The following UNC5D variants were observed in gnomAD, a reference collection of about 807,000 sequenced individuals.
UNC5D encodes the protein unc-5 netrin receptor D.
Under a neutral mutation model 105.4 loss-of-function variants are expected in UNC5D, and 39 were observed. The ratio of observed to expected loss-of-function variants is 0.37; its 90% CI spans 0.29 to 0.48. UNC5D has a LOEUF of 0.48. Among genes scored for constraint, UNC5D ranks in the 20% least tolerant of loss-of-function variants. UNC5D has a pLI of 0.98. For synonymous variants in UNC5D, 452 were observed against 450.4 expected (o/e 1.00, Z -0.04); for missense variants, 991 against 1,202.4 (o/e 0.82, Z 2.60).
chr8:35,404,756 T>A (rs900450449), intron 1 of UNC5D, among the ~76,000 whole-genome samples: 1 of 151,946 alleles, frequency 6.6e-6, no homozygotes, highest in Non-Finnish European at 1.5e-5. Flanking sequence ...CCTGGCTAAT[T>A]TTTTTGTATT....
At chr8:35,334,607 G>C (rs1225215655) in intron 1 of UNC5D, among the ~76,000 whole-genome samples, 1 of 151,890 alleles carries the variant, frequency 6.6e-6, no homozygotes, top group African/African-American at 2.4e-5. Flanking sequence ...CCGTCTCCCA[G>C]ATTCAAGCAA....
intron 11 of UNC5D, among the ~76,000 whole-genome samples, chr8:35,744,204 T>G (rs1443715670): frequency 6.6e-6 from 1 of 152,234 alleles, no homozygotes; most frequent in African/African-American, 2.4e-5. Context: ...GTCACAGAAG[T>G]GACGCTAGGT....
chr8:35,300,860 G>A (rs900618008), intron 1 of UNC5D, among the ~76,000 whole-genome samples: 2 of 152,024 alleles, frequency 1.3e-5, no homozygotes, highest in African/African-American at 4.8e-5. Flanking sequence ...GGAGAGGGAG[G>A]AATATAGAAT....
At chr8:35,666,807 G>C (rs890400140) in intron 4 of UNC5D, among the ~76,000 whole-genome samples, 3 of 152,098 alleles carry the variant, frequency 2.0e-5, no homozygotes, top group Non-Finnish European at 4.4e-5. Flanking sequence ...GTCAACTGAA[G>C]TACCTATGAC....
chr8:35,404,014 C>A lies in UNC5D; in HGVS notation c.104-145278C>A, dbSNP rs142922027. 6.0e-3 allele frequency among the ~76,000 whole-genome samples: 914 copies of A among 152,306 alleles called. 7 individuals carry two copies. The highest frequency in any genetic ancestry group is 0.014 in the Middle Eastern group (4 of 294). ...TGTGGGTGTTGATGCGTATTGCCTG[C>A]ACTTGTTCTCCCAGCCTGAGGTCCC... On this transcript the variant is annotated intron_variant, in intron 1 of 16. Transcript: ENST00000404895.
intron 1 of UNC5D, among the ~76,000 whole-genome samples, chr8:35,447,519 C>A (rs2128988458): frequency 6.6e-6 from 1 of 152,100 alleles, no homozygotes; most frequent in South Asian, 2.1e-4. Flanking sequence ...TCCTTCAATT[C>A]ATTCAAATTT....
At chr8:35,376,514 T>A (rs1802708714) in intron 1 of UNC5D, among the ~76,000 whole-genome samples, 1 of 152,142 alleles carries the variant, frequency 6.6e-6, no homozygotes, top group African/African-American at 2.4e-5. Context: ...AGATGATATG[T>A]ATGTAGGGAA....
chr8:35,667,289 G>A (rs753045091), intron 4 of UNC5D, among the ~76,000 whole-genome samples: 1 of 152,092 alleles, frequency 6.6e-6, no homozygotes, highest in Non-Finnish European at 1.5e-5. Context: ...ATGCTATAGG[G>A]CCATCACAGT....
At chr8:35,619,538 C>G (rs574635031) in intron 4 of UNC5D, among the ~76,000 whole-genome samples, 2 of 152,106 alleles carry the variant, frequency 1.3e-5, no homozygotes, top group Non-Finnish European at 2.9e-5. Context: ...AGCCATTGAG[C>G]GACTTGCTTC....
intron 4 of UNC5D, among the ~76,000 whole-genome samples, chr8:35,621,411 T>C (rs1180905619): frequency 6.6e-6 from 1 of 152,172 alleles, no homozygotes; most frequent in Non-Finnish European, 1.5e-5. Context: ...GAATGCCTAA[T>C]TGACAAGACT....
chr8:35,553,353 C>G (rs1463959614), intron 2 of UNC5D, among the ~76,000 whole-genome samples: 2 of 149,492 alleles, frequency 1.3e-5, no homozygotes, highest in Non-Finnish European at 3.0e-5. Flanking sequence ...TCTCTACTTC[C>G]TTAAAAAAAA....
intron 1 of UNC5D, among the ~76,000 whole-genome samples, chr8:35,264,749 A>T (rs1804734046): frequency 9.2e-6 from 1 of 108,230 alleles, no homozygotes; most frequent in South Asian, 3.4e-4. Context: ...AAAAAAAAAA[A>T]AAAAGAGTAA....
chr8:35,325,354 A>G (rs1810068731), intron 1 of UNC5D, among the ~76,000 whole-genome samples: 1 of 152,208 alleles, frequency 6.6e-6, no homozygotes, highest in African/African-American at 2.4e-5. Flanking sequence ...GACCACCAGT[A>G]AAAACTTAAG....
At chr8:35,387,897 G>T (rs1803507844) in intron 1 of UNC5D, among the ~76,000 whole-genome samples, 1 of 152,148 alleles carries the variant, frequency 6.6e-6, no homozygotes, top group Non-Finnish European at 1.5e-5. Flanking sequence ...GTGTGTAAAT[G>T]AATACTATCT....
At chr8:35,746,023 C>T (rs1425297805) in intron 11 of UNC5D, among the ~76,000 whole-genome samples, 3 of 151,988 alleles carry the variant, frequency 2.0e-5, no homozygotes, top group African/African-American at 7.3e-5. Flanking sequence ...CTCTCCCCAG[C>T]CCTCTGTCCT....
chr8:35,350,173 T>C (rs1468115042), intron 1 of UNC5D, among the ~76,000 whole-genome samples: 1 of 152,016 alleles, frequency 6.6e-6, no homozygotes, highest in Non-Finnish European at 1.5e-5. Context: ...GTGCAACAAA[T>C]TATGCGTACG....
chr8:35,660,551 C>T (rs1290419617), intron 4 of UNC5D, among the ~76,000 whole-genome samples: 6 of 152,270 alleles, frequency 3.9e-5, no homozygotes, highest in Middle Eastern at 6.8e-3. Context: ...GTAATGTATG[C>T]AGAACCAAAG....
chr8:35,413,252 C>T (rs1391054454), intron 1 of UNC5D, among the ~76,000 whole-genome samples: 9 of 74,566 alleles, frequency 1.2e-4, no homozygotes, highest in South Asian at 5.7e-4. Flanking sequence ...CAGGTGGGGG[C>T]GGGTCTGTGT....
intron 1 of UNC5D, among the ~76,000 whole-genome samples, chr8:35,390,235 C>T (rs750731700): frequency 1.4e-4 from 21 of 152,134 alleles, no homozygotes; most frequent in Non-Finnish European, 2.5e-4. Context: ...AAAACCAGCC[C>T]CATAATCCAA....
Sources: allele counts gnomAD v4.1 joint callset (sites outside exome capture counted in the v4.1 genomes callset), GRCh38; gene constraint gnomAD v4.1.1; transcripts MANE v1.5; gene names NCBI Gene and HGNC (gene_info 2026-07-23, HGNC 2026-07-21).